The following DNAH14 variants were observed in gnomAD, a reference collection of about 807,000 sequenced individuals.
DNAH14 encodes dynein axonemal heavy chain 14.
In DNAH14, 478 loss-of-function variants were observed where a neutral mutation model predicts 520.9. The observed-to-expected ratio is 0.92, with a 90% CI of 0.85 to 0.99. DNAH14 has a LOEUF of 0.99. Among genes scored for constraint, DNAH14 ranks in the 50% least tolerant of loss-of-function variants. DNAH14 has a pLI of 0.00. For synonymous variants in DNAH14, 1,581 were observed against 1,757.2 expected (o/e 0.90, Z 2.51); for missense variants, 4,831 against 5,234.5 (o/e 0.92, Z 2.38).
chr1:225,042,485 GTA>G (rs759195854), intron 12 of DNAH14, among the ~76,000 whole-genome samples: 4 of 152,244 alleles, frequency 2.6e-5, no homozygotes, highest in Non-Finnish European at 2.9e-5. Context: ...TGTTGAGCTT[GTA>G]GATGATTAAG....
At chr1:224,979,110 T>A (rs1304799310) in intron 8 of DNAH14, among the ~76,000 whole-genome samples, 5 of 152,108 alleles carry the variant, frequency 3.3e-5, no homozygotes. Flanking sequence ...CCTTCACTGA[T>A]CATACCTCCT....
At chr1:225,374,918 G>A (rs527574245) in intron 78 of DNAH14, 33 bp downstream of exon 78, 47 of 1,487,666 alleles carry the variant, frequency 3.2e-5, no homozygotes, top group African/African-American at 4.2e-5. Context: ...TGCATTTCTC[G>A]ATAATTTTAA....
chr1:225,086,820 AT>A (rs1558913348), intron 21 of DNAH14, among the ~76,000 whole-genome samples: 1 of 152,220 alleles, frequency 6.6e-6, no homozygotes, highest in African/African-American at 2.4e-5. Context: ...ATGTAAGCTA[AT>A]TTTTTAAAAT....
intron 27 of DNAH14, among the ~76,000 whole-genome samples, chr1:225,137,459 C>T (rs2079047216): frequency 6.6e-6 from 1 of 152,120 alleles, no homozygotes; most frequent in Non-Finnish European, 1.5e-5. Flanking sequence ...AGGTGCTAGT[C>T]ATTCTCCTGC....
intron 75 of DNAH14, among the ~76,000 whole-genome samples, chr1:225,362,920 G>A (rs1215235155): frequency 6.6e-6 from 1 of 151,848 alleles, no homozygotes; most frequent in Non-Finnish European, 1.5e-5. Context: ...GACAGAGAGA[G>A]GCAGAAGGAG....
intron 41 of DNAH14, among the ~76,000 whole-genome samples, chr1:225,211,872 G>GAATT (rs1488860615): frequency 1.6e-4 from 23 of 141,888 alleles, no homozygotes; most frequent in African/African-American, 5.6e-4. Flanking sequence ...TTTCAACCCA[G>GAATT]AATTTATTTA....
chr1:225,256,173 A>G (rs780245559), intron 44 of DNAH14, among the ~76,000 whole-genome samples: 2 of 152,250 alleles, frequency 1.3e-5, no homozygotes. Context: ...AAGAGAATTT[A>G]GTTTTAGTCT....
chr1:224,981,938 A>G (rs2501135), intron 8 of DNAH14, among the ~76,000 whole-genome samples: 22,928 of 152,126 alleles, frequency 0.15, 3,191 homozygotes, highest in African/African-American at 0.36. Context: ...TACATAACTT[A>G]TAATAATTGA....
chr1:225,370,313 C>T (rs561330318), intron 77 of DNAH14, among the ~76,000 whole-genome samples: 14 of 151,354 alleles, frequency 9.2e-5, no homozygotes, highest in Non-Finnish European at 7.4e-5. Context: ...AAAAAAAACA[C>T]GGGAAATCAC....
At chr1:225,301,495 A>G (rs1468874200) in intron 56 of DNAH14, among the ~76,000 whole-genome samples, 1 of 152,192 alleles carries the variant, frequency 6.6e-6, no homozygotes, top group Non-Finnish European at 1.5e-5. Flanking sequence ...AGCGGGTGCT[A>G]TTCAGAATGA....
At chr1:224,938,862 AG>A (rs2059211953) in intron 1 of DNAH14, among the ~76,000 whole-genome samples, 4 of 152,232 alleles carry the variant, frequency 2.6e-5, no homozygotes, top group African/African-American at 9.6e-5. Flanking sequence ...GCTGTAAAAA[AG>A]AACCCTGTCG....
intron 81 of DNAH14, among the ~76,000 whole-genome samples, chr1:225,385,739 C>T (rs141090249): frequency 0.012 from 1,902 of 152,262 alleles, 42 homozygotes; most frequent in African/African-American, 0.042. Flanking sequence ...AGGACACAAA[C>T]AAATGCAGGA....
rs1319964346 is a variant in DNAH14, at chr1:225,080,503, A to C, written c.2891A>C (p.Asp964Ala). Residue 964 changes from aspartate to alanine, a missense_variant, in exon 19 of 86, where the codon GAT (aspartate) becomes GCT (alanine). Transcript: ENST00000682510. ...GCTAAAGCATATTCACATTATCAGG[A>C]TTGTTTCAGTGATTCTCAATCTCAT... ...NKAKAYSHYQ[D>A]CFSDSQSHMH... 6.4e-7 allele frequency: 1 copy of C among 1,551,822 alleles called. No individual in the cohort carries two copies. Among genetic ancestry groups the C allele is most frequent in the Admixed American group, 2.0e-5 (1 of 51,006 alleles).
chr1:224,963,289 A>C (rs555050416), intron 4 of DNAH14, among the ~76,000 whole-genome samples: 1 of 152,122 alleles, frequency 6.6e-6, no homozygotes, highest in South Asian at 2.1e-4. Flanking sequence ...GAGCAAGTCA[A>C]ATTTATCATT....
At chr1:225,113,638 A>C (rs775347246) in intron 23 of DNAH14, among the ~76,000 whole-genome samples, 1 of 152,058 alleles carries the variant, frequency 6.6e-6, no homozygotes, top group Non-Finnish European at 1.5e-5. Context: ...ATAGTCAGAA[A>C]CCTTAGAAAT....
intron 36 of DNAH14, among the ~76,000 whole-genome samples, chr1:225,172,027 C>G (rs2082736846): frequency 6.6e-6 from 1 of 152,174 alleles, no homozygotes. Context: ...ACATGATTAT[C>G]TCAATAGATG....
chr1:225,064,434 A>G (rs987063108), intron 17 of DNAH14, among the ~76,000 whole-genome samples: 15 of 152,086 alleles, frequency 9.9e-5, no homozygotes, highest in African/African-American at 3.4e-4. Context: ...ATTAAAAATG[A>G]AAACAAGTCC....
At chr1:225,154,082 G>T (rs987089613) in intron 34 of DNAH14, among the ~76,000 whole-genome samples, 2 of 151,930 alleles carry the variant, frequency 1.3e-5, no homozygotes, top group African/African-American at 4.8e-5. Context: ...TGGAAAAAAA[G>T]ACCTCATTTA....
intron 79 of DNAH14, among the ~76,000 whole-genome samples, chr1:225,378,856 G>A (rs1254078804): frequency 6.8e-6 from 1 of 146,910 alleles, no homozygotes; most frequent in African/African-American, 2.5e-5. Flanking sequence ...CTCCAGCTGG[G>A]GTGACAGTGC....
Sources: gnomAD v4.1 joint callset for allele counts (sites outside exome capture counted in the v4.1 genomes callset) on GRCh38, gnomAD v4.1.1 for gene constraint, MANE v1.5 for transcripts, NCBI Gene and HGNC (gene_info 2026-07-23, HGNC 2026-07-21) for gene names.